Variants in PDE1C observed in about 807,000 individuals in gnomAD.
The protein encoded by PDE1C is phosphodiesterase 1C, also known as dual specificity calcium/calmodulin-dependent 3',5'-cyclic nucleotide phosphodiesterase 1C.
PDE1C carries 62 observed loss-of-function variants against 93.1 expected under a neutral mutation model. That is an observed-to-expected ratio of 0.67 (90% CI 0.54 to 0.82). PDE1C has a LOEUF of 0.82. PDE1C is among the 40% of genes least tolerant of loss of function. The probability of loss-of-function intolerance (pLI) is 0.00; values close to 1 mark genes in which losing one functional copy is unlikely to be tolerated. For missense variants in PDE1C, 742 were observed against 884.6 expected (o/e 0.84, Z 2.04); for synonymous variants, 325 against 310.1 (o/e 1.05, Z -0.50).
At chr7:31,733,081 G>T in the PDE1C span, among the ~76,000 whole-genome samples, 2 of 152,174 alleles carry the variant, frequency 1.3e-5, no homozygotes, top group Non-Finnish European at 2.9e-5. Flanking sequence ...CTGGATCAGG[G>T]TTAAAGGTTT....
Position 31,953,037 on chromosome 7 carries a change from C to T in PDE1C, c.129-72177G>A, listed in dbSNP as rs145746814. On this transcript the variant is annotated intron_variant, in intron 2 of 17. Transcript: ENST00000396191. ...TCTTAATATTTCCTGTAGTGCCCTG[C>T]ATGCTTTTCCACAGTAGGTGTTCAA... 5.9e-5 allele frequency among the ~76,000 whole-genome samples: 9 copies of T among 152,246 alleles called. No homozygotes were observed. The East Asian group carries it at 1.7e-3, about 29-fold the overall frequency.
intron 2 of PDE1C, among the ~76,000 whole-genome samples, chr7:31,911,046 C>G (rs950253091): frequency 1.3e-5 from 2 of 152,110 alleles, no homozygotes; most frequent in African/African-American, 4.8e-5. Context: ...ATATTCAGAA[C>G]AGGATATCAT....
At chr7:32,342,120 C>T (rs968837957) in intron 1 of PDE1C, among the ~76,000 whole-genome samples, 19 of 152,038 alleles carry the variant, frequency 1.2e-4, no homozygotes, top group Non-Finnish European at 2.1e-4. Flanking sequence ...ATATTATGAA[C>T]ACTAATTACT....
At position 31,873,539 on chromosome 7, in the gene PDE1C, C is replaced by T. The variant is rs1458609092; in HGVS notation, c.493-131G>A. On this transcript the variant is annotated intron_variant, in intron 5 of 17. Coordinates refer to ENST00000396191, the MANE Select transcript of PDE1C (RefSeq NM_001191057.4). ...CAGTGTGACACTCAAACAGACTTTC[C>T]ACTCTCAAACTTTTTCCAATCTGGC... is the stretch of plus-strand genomic sequence containing the variant. 9.7e-5 allele frequency: 61 copies of T among 627,166 alleles called. 1 individual carries two copies. The South Asian group carries it at 1.3e-3, about 13-fold the overall frequency. The allele number at this position is 627,166 out of a possible 1,614,324, so 38.9% of individuals were successfully genotyped here. A position where few individuals can be genotyped will look rare whatever the true frequency, so the allele number is the denominator to read the frequency against.
At chr7:32,410,209 T>C (rs1479866261) in intron 1 of PDE1C, among the ~76,000 whole-genome samples, 1 of 152,140 alleles carries the variant, frequency 6.6e-6, no homozygotes, top group African/African-American at 2.4e-5. Flanking sequence ...GACACACACC[T>C]GTAGTCCTAG....
At chr7:31,985,442 C>T (rs1459298888) in intron 2 of PDE1C, among the ~76,000 whole-genome samples, 1 of 152,010 alleles carries the variant, frequency 6.6e-6, no homozygotes, top group Non-Finnish European at 1.5e-5. Context: ...TGTTATTATA[C>T]TTTAAGTTCT....
chr7:31,691,809 A>AAAAAAAAC, the PDE1C span, among the ~76,000 whole-genome samples: 7 of 150,932 alleles, frequency 4.6e-5, no homozygotes, highest in Admixed American at 4.0e-4. Context: ...AAAAAAAAAA[A>AAAAAAAAC]AAAAAAAAAA....
chr7:31,828,165 A>G (rs1789928838), intron 12 of PDE1C, 127 bp downstream of exon 12: 2 of 629,826 alleles, frequency 3.2e-6, no homozygotes, highest in Admixed American at 2.6e-5. Context: ...TGAATCAGGC[A>G]GAGCCATGAG....
chr7:32,099,888 C>T (rs751007792), intron 3 of PDE1C, among the ~76,000 whole-genome samples: 2 of 152,210 alleles, frequency 1.3e-5, no homozygotes, highest in African/African-American at 4.8e-5. Flanking sequence ...TCAATTATCA[C>T]CCCTTCAGTG....
chr7:32,205,645 G>A (rs1404974727), intron 2 of PDE1C, among the ~76,000 whole-genome samples: 2 of 152,282 alleles, frequency 1.3e-5, no homozygotes, highest in South Asian at 4.2e-4. Flanking sequence ...CCCTGCAGAA[G>A]CTTTGTTCCT....
intron 1 of PDE1C, among the ~76,000 whole-genome samples, chr7:32,236,884 AC>A (rs1808123401): frequency 6.6e-6 from 1 of 152,138 alleles, no homozygotes; most frequent in Non-Finnish European, 1.5e-5. Context: ...ACTGGAAACA[AC>A]CCAAATGCCC....
chr7:32,305,671 T>C (rs7779181), intron 1 of PDE1C, among the ~76,000 whole-genome samples: 33,269 of 152,230 alleles, frequency 0.22, 3,784 homozygotes, highest in African/African-American at 0.25. Context: ...CAGCTGTCCC[T>C]GTAGAAGGAG....
chr7:31,828,506 CT>C, intron 11 of PDE1C, 133 bp from the exon 12 acceptor site: 1 of 597,652 alleles, frequency 1.7e-6, no homozygotes, highest in Non-Finnish European at 2.9e-6. Context: ...TAAAATAAGT[CT>C]TTATGGAGCC....
chr7:32,340,759 T>A (rs974432295), intron 1 of PDE1C, among the ~76,000 whole-genome samples: 4 of 152,152 alleles, frequency 2.6e-5, no homozygotes, highest in African/African-American at 9.7e-5. Context: ...AAATACTATA[T>A]GATTCCAACA....
the PDE1C span, among the ~76,000 whole-genome samples, chr7:31,744,243 G>C: frequency 2.0e-5 from 3 of 151,606 alleles, no homozygotes; most frequent in African/African-American, 7.3e-5. Flanking sequence ...CACAGATTAA[G>C]GTTTCTTTAT....
chr7:32,298,499 G>C (rs1253627665), intron 1 of PDE1C, among the ~76,000 whole-genome samples: 2 of 152,128 alleles, frequency 1.3e-5, no homozygotes, highest in Non-Finnish European at 2.9e-5. Context: ...TCCCGACCCA[G>C]TCGCCGCTCC....
intron 11 of PDE1C, among the ~76,000 whole-genome samples, chr7:31,831,003 G>T (rs147133004): frequency 1.4e-4 from 22 of 152,278 alleles, no homozygotes; most frequent in African/African-American, 5.1e-4. Flanking sequence ...AGAGACAAGG[G>T]CTCCATCTGT....
At chr7:32,100,795 C>A (rs1797998947) in intron 3 of PDE1C, among the ~76,000 whole-genome samples, 1 of 152,096 alleles carries the variant, frequency 6.6e-6, no homozygotes, top group Non-Finnish European at 1.5e-5. Flanking sequence ...TAGACCCAAG[C>A]TGCACTCCAA....
chr7:32,320,187 T>C (rs1196985926), intron 1 of PDE1C, among the ~76,000 whole-genome samples: 1 of 152,382 alleles, frequency 6.6e-6, no homozygotes, highest in South Asian at 2.1e-4. Flanking sequence ...TGTTTCATTT[T>C]GTATGTGCAG....
Sources: gnomAD v4.1 joint callset for allele counts (sites outside exome capture counted in the v4.1 genomes callset) on GRCh38, gnomAD v4.1.1 for gene constraint, MANE v1.5 for transcripts, NCBI Gene and HGNC (gene_info 2026-07-23, HGNC 2026-07-21) for gene names.